RAB39A: variants seen among roughly 807,000 people sequenced by gnomAD.
The protein encoded by RAB39A is RAB39A, member RAS oncogene family.
RAB39A carries 17 observed loss-of-function variants against 20.9 expected under a neutral mutation model. The observed-to-expected ratio is 0.81, with a 90% CI of 0.56 to 1.22. RAB39A has a LOEUF of 1.22. Among genes scored for constraint, RAB39A ranks in the 50% most tolerant of loss-of-function variants. RAB39A has a pLI of 0.00. For synonymous variants in RAB39A, 99 were observed against 103.4 expected, an observed-to-expected ratio of 0.96 and a Z score of 0.26; for missense variants, 234 against 270.5, an observed-to-expected ratio of 0.87 and a Z score of 0.95.
intron 1 of RAB39A, among the ~76,000 whole-genome samples, chr11:107,943,149 A>G (rs921683421): frequency 9.9e-5 from 15 of 152,176 alleles, no homozygotes; most frequent in African/African-American, 3.6e-4. Context: ...GTTAGATAAG[A>G]AGAAGTGTTG....
rs201904262 is a variant in RAB39A at position 107,943,252 on chromosome 11, AT to A, written c.227+14467del. 4.9e-3 allele frequency among the ~76,000 whole-genome samples: 725 copies of A among 149,244 alleles called. 23 individuals carry two copies. The East Asian group carries it at 0.086, about 18-fold the overall frequency. On this transcript the variant is annotated intron_variant, in intron 1 of 1. Coordinates refer to ENST00000320578, the MANE Select transcript of RAB39A (RefSeq NM_017516.3). ...CTTTCCAATCCTTAAATGCTGTCCCATTTTTTTTTTCTGGAGAAGATGAAAT... is the reference window on the plus strand; with the variant it reads ...CTTTCCAATCCTTAAATGCTGTCCCATTTTTTTTTCTGGAGAAGATGAAAT...
intron 1 of RAB39A, among the ~76,000 whole-genome samples, chr11:107,945,565 T>TA (rs893955363): frequency 6.6e-5 from 10 of 151,552 alleles, no homozygotes; most frequent in Admixed American, 1.3e-4. Flanking sequence ...GAGCTAATGG[T>TA]AAAAAAAATA....
At chr11:107,945,725 C>T (rs1861301074) in intron 1 of RAB39A, among the ~76,000 whole-genome samples, 1 of 152,104 alleles carries the variant, frequency 6.6e-6, no homozygotes, top group East Asian at 1.9e-4. Flanking sequence ...GCCATTCCTT[C>T]CCCCATTCCA....
At chr11:107,956,936 A>G (rs535917227) in intron 1 of RAB39A, among the ~76,000 whole-genome samples, 11 of 152,348 alleles carry the variant, frequency 7.2e-5, no homozygotes, top group African/African-American at 9.6e-5. Context: ...ATAGAAAGTG[A>G]TAGAGTTGGT....
chr11:107,929,795 T>C (rs1297548986), intron 1 of RAB39A, among the ~76,000 whole-genome samples: 1 of 152,188 alleles, frequency 6.6e-6, no homozygotes, highest in Non-Finnish European at 1.5e-5. Context: ...AAATTTTAAA[T>C]GTCTAGGATT....
intron 1 of RAB39A, among the ~76,000 whole-genome samples, chr11:107,929,436 G>T (rs1861115264): frequency 6.6e-6 from 1 of 152,160 alleles, no homozygotes; most frequent in African/African-American, 2.4e-5. Flanking sequence ...GTGGGAATGG[G>T]TCTTGTAGGT....
At chr11:107,946,450 ATATATATATATTTTTTTTTTTT>A (rs1565464285) in intron 1 of RAB39A, among the ~76,000 whole-genome samples, 66 of 72,434 alleles carry the variant, frequency 9.1e-4, no homozygotes, top group African/African-American at 3.5e-3. Flanking sequence ...ATATATATAT[ATATATATATATTTTTTTTTTTT>A]TTTTTTTTTT....
At chr11:107,958,020 T>C (rs574532374) in intron 1 of RAB39A, among the ~76,000 whole-genome samples, 1 of 152,242 alleles carries the variant, frequency 6.6e-6, no homozygotes, top group African/African-American at 2.4e-5. Flanking sequence ...GCCTCCCAAG[T>C]AGCTTGGACT....
chr11:107,931,863 C>CTT lies in RAB39A; in HGVS notation c.227+3087_227+3088dup, dbSNP rs35328521. Among the ~76,000 whole-genome samples the CTT allele has an allele frequency of 4.4e-3, 521 of 118,018 alleles. 14 individuals carry two copies. Among genetic ancestry groups the CTT allele is most frequent in the African/African-American group, 5.3e-3 (166 of 31,546 alleles). 77.4% of individuals were successfully genotyped at this position (118,018 alleles called of 152,430 possible). ...TAGCTTTCGTTTTCTTTCTTTCCTT[C>CTT]TTTTTTTTTTTTTTTTTTTTGAGAC... On this transcript the variant is annotated intron_variant, in intron 1 of 1. Coordinates refer to ENST00000320578, the MANE Select transcript of RAB39A (RefSeq NM_017516.3).
At chr11:107,959,402 A>G (rs1310379295) in intron 1 of RAB39A, among the ~76,000 whole-genome samples, 3 of 152,218 alleles carry the variant, frequency 2.0e-5, no homozygotes, top group Non-Finnish European at 2.9e-5. Context: ...TGACAAAACA[A>G]TAACAAATTA....
At position 107,930,770 on chromosome 11, in the gene RAB39A, C is replaced by T. The variant is rs552520529; in HGVS notation, c.227+1975C>T. 1.7e-3 allele frequency among the ~76,000 whole-genome samples: 253 copies of T among 151,886 alleles called. 2 individuals are homozygous for T. Among genetic ancestry groups the T allele is most frequent in the African/African-American group, 5.6e-3 (234 of 41,452 alleles). Reference sequence around the variant, plus strand: ...ACTCAGGAGGCTGAGGCAGGAGAATCGCTTGAACCTGGGAGGCAGAGTTTG... The same window carrying T: ...ACTCAGGAGGCTGAGGCAGGAGAATTGCTTGAACCTGGGAGGCAGAGTTTG... On this transcript the variant is annotated intron_variant, in intron 1 of 1. Transcript: ENST00000320578.
At position 107,944,019 on chromosome 11, in the gene RAB39A, C is replaced by T. The variant is rs141236171; in HGVS notation, c.227+15224C>T. The stretch of plus-strand genomic sequence containing the variant: ...CTGAGGCAGGAGAATTGCTTGAACT[C>T]AGGAGGCAGAGGTTGCAGTCAGCCA... On this transcript the variant is annotated intron_variant, in intron 1 of 1. Coordinates refer to ENST00000320578, the MANE Select transcript of RAB39A (RefSeq NM_017516.3). 1.5e-4 allele frequency among the ~76,000 whole-genome samples: 23 copies of T among 151,794 alleles called. No individual in the cohort carries two copies. In the East Asian group the frequency reaches 4.5e-3, roughly 29 times the overall value.
intron 1 of RAB39A, among the ~76,000 whole-genome samples, chr11:107,958,830 T>C (rs1275780066): frequency 6.6e-6 from 1 of 152,090 alleles, no homozygotes; most frequent in Non-Finnish European, 1.5e-5. Flanking sequence ...GAAAAGATAG[T>C]ATTTCCTGGC....
intron 1 of RAB39A, among the ~76,000 whole-genome samples, chr11:107,960,071 G>A (rs768747276): frequency 2.2e-4 from 34 of 152,122 alleles, no homozygotes; most frequent in Non-Finnish European, 4.4e-4. Flanking sequence ...TTAGCTGGGG[G>A]TGGTGGCATG....
At chr11:107,959,051 C>G (rs1426334882) in intron 1 of RAB39A, among the ~76,000 whole-genome samples, 1 of 151,666 alleles carries the variant, frequency 6.6e-6, no homozygotes, top group Non-Finnish European at 1.5e-5. Flanking sequence ...ACCTAGGAGG[C>G]AGAGGTTGCA....
intron 1 of RAB39A, among the ~76,000 whole-genome samples, chr11:107,952,269 G>A (rs989799139): frequency 2.0e-5 from 3 of 152,186 alleles, no homozygotes; most frequent in African/African-American, 7.2e-5. Flanking sequence ...TGGACCTTGA[G>A]GACACTGTGC....
intron 1 of RAB39A, among the ~76,000 whole-genome samples, chr11:107,935,900 C>CTTTTTTTT (rs561399074): frequency 1.2e-5 from 1 of 81,610 alleles, no homozygotes; most frequent in Non-Finnish European, 2.4e-5. Context: ...GTCCTGGCCA[C>CTTTTTTTT]TTTTTTTTTT....
chr11:107,928,678 G>T lies in RAB39A; in HGVS notation c.110G>T (p.Arg37Leu), dbSNP rs1861107538. The T allele has an allele frequency of 1.2e-6, 2 of 1,611,612 alleles. No individual in the cohort carries two copies. ...RFTQGRFPGLRSPACDPTVGV... is the reference protein window; with the variant it reads ...RFTQGRFPGLLSPACDPTVGV... Reference sequence around the variant, plus strand: ...ACCCAGGGCCGCTTCCCCGGGCTGCGCTCCCCCGCCTGCGACCCCACCGTC... The same window carrying T: ...ACCCAGGGCCGCTTCCCCGGGCTGCTCTCCCCCGCCTGCGACCCCACCGTC... Residue 37 changes from arginine to leucine, a missense_variant, in exon 1 of 2, where the codon CGC (arginine) becomes CTC (leucine). Coordinates refer to ENST00000320578, the MANE Select transcript of RAB39A (RefSeq NM_017516.3). This position sits in a 1 kb window ranked among gnomAD's most constrained non-coding sequence, Gnocchi z 4.9.
chr11:107,929,651 G>T (rs1308737816), intron 1 of RAB39A, among the ~76,000 whole-genome samples: 1 of 152,158 alleles, frequency 6.6e-6, no homozygotes, highest in East Asian at 1.9e-4. Flanking sequence ...CAGAAGGAGG[G>T]ATCCAAATGA....
Sources: allele counts gnomAD v4.1 joint callset (sites outside exome capture counted in the v4.1 genomes callset), GRCh38; gene constraint gnomAD v4.1.1; non-coding constraint Gnocchi (gnomAD v3.1); transcripts MANE v1.5; gene names NCBI Gene and HGNC (gene_info 2026-07-23, HGNC 2026-07-21).